ODAD4: variants seen among roughly 807,000 people sequenced by gnomAD.
The protein encoded by ODAD4 is outer dynein arm docking complex subunit 4, also known as outer dynein arm-docking complex subunit 4.
Under a neutral mutation model 51.8 loss-of-function variants are expected in ODAD4, and 49 were observed. That is an observed-to-expected ratio of 0.95 (90% CI 0.75 to 1.20). The LOEUF (loss-of-function observed/expected upper bound fraction) is 1.20. ODAD4 is among the 50% of genes most tolerant of loss of function. ODAD4 has a pLI of 0.00. For missense variants in ODAD4, 590 were observed against 586.5 expected (o/e 1.01, Z -0.06); for synonymous variants, 235 against 221.3 (o/e 1.06, Z -0.55).
At chr17:41,957,165 C>A (rs1454539025) in intron 10 of ODAD4, among the ~76,000 whole-genome samples, 1 of 152,132 alleles carries the variant, frequency 6.6e-6, no homozygotes. Context: ...CTCGGGCTTC[C>A]AAAGTGCTGG....
intron 9 of ODAD4, chr17:41,952,714 C>T (rs782816949): frequency 1.2e-5 from 6 of 510,986 alleles, no homozygotes; most frequent in African/African-American, 1.2e-4. Context: ...CTTAAATTTC[C>T]TTTAAGTGTA....
At chr17:41,957,910 T>C (rs1555641210) in intron 10 of ODAD4, among the ~76,000 whole-genome samples, 1 of 152,106 alleles carries the variant, frequency 6.6e-6, no homozygotes, top group African/African-American at 2.4e-5. Flanking sequence ...GGACTACAGG[T>C]GTGGGCCACC....
At position 41,965,916 on chromosome 17, in the gene ODAD4, CAGGT is replaced by C. The variant is rs1555642666; in HGVS notation, c.*437_*440del. 4.7e-4 allele frequency among the ~76,000 whole-genome samples: 72 copies of C among 152,182 alleles called. No homozygotes were observed. Among genetic ancestry groups the C allele is most frequent in the African/African-American group, 1.7e-3 (71 of 41,504 alleles). ...AGTGGTGGGGCGGCCCCAGCTGTCA[CAGGT>C]AGGAGAATGCCGCAAGCCAGAACCA... is the stretch of plus-strand genomic sequence containing the variant. On this transcript the variant is annotated 3_prime_UTR_variant, in exon 12 of 12. Transcript: ENST00000377540.
At chr17:41,942,227 T>C (rs771775792) in intron 7 of ODAD4, among the ~76,000 whole-genome samples, 1 of 152,118 alleles carries the variant, frequency 6.6e-6, no homozygotes, top group Non-Finnish European at 1.5e-5. Flanking sequence ...TGAGCCACCA[T>C]GCCCGGGCTA....
At position 41,945,205 on chromosome 17, in the gene ODAD4, C is replaced by T. The variant is rs782540040; in HGVS notation, c.1128C>T (p.Phe376=). 6 of 1,612,770 alleles carry T rather than the reference C, an allele frequency of 3.7e-6. No individual in the cohort carries two copies. Among genetic ancestry groups the T allele is most frequent in the Middle Eastern group, 1.6e-4 (1 of 6,062 alleles). ...IGRVFARVGK[F]QQAIDTWEEK... is the part of the protein sequence containing the mutation. Reference sequence around the variant, plus strand: ...GAGTTTTTGCCAGAGTTGGGAAATTCCAGCAAGCCATTGACACGTGAGTGA... The same window carrying T: ...GAGTTTTTGCCAGAGTTGGGAAATTTCAGCAAGCCATTGACACGTGAGTGA... Residue 376 remains phenylalanine, a synonymous_variant, in exon 8 of 12, where the codon TTC becomes TTT. Coordinates refer to ENST00000377540, the MANE Select transcript of ODAD4 (RefSeq NM_031421.5).
chr17:41,934,190 TACC>T (rs1848105103), intron 1 of ODAD4, among the ~76,000 whole-genome samples: 1 of 150,902 alleles, frequency 6.6e-6, no homozygotes, highest in Non-Finnish European at 1.5e-5. Context: ...TACAGGTGCT[TACC>T]ACCATGTCTG....
Position 41,935,208 on chromosome 17 carries a change from C to A in ODAD4, c.115-9C>A. 6.2e-7 allele frequency: 1 copy of A among 1,613,754 alleles called. No individual in the cohort carries two copies. Among genetic ancestry groups the A allele is most frequent in the East Asian group, 2.2e-5 (1 of 44,886 alleles). The stretch of plus-strand genomic sequence containing the variant: ...TGCTGGCTGTCAACCTGACTGGTTT[C>A]TTTGTCAGGCTCTTTACCTTCAGGA... On this transcript the variant is annotated splice_polypyrimidine_tract_variant and intron_variant, in intron 1 of 11. Transcript: ENST00000377540.
intron 10 of ODAD4, among the ~76,000 whole-genome samples, chr17:41,960,687 C>A (rs1219612374): frequency 2.0e-5 from 3 of 152,158 alleles, no homozygotes; most frequent in Non-Finnish European, 4.4e-5. Context: ...GCCCCCGACC[C>A]CTCACCCTCC....
chr17:41,935,787 G>A, intron 3 of ODAD4, 38 bp downstream of exon 3: 1 of 1,610,764 alleles, frequency 6.2e-7, no homozygotes, highest in Non-Finnish European at 8.5e-7. Flanking sequence ...ATCCAGGAAG[G>A]TCCTTGGAAT....
rs1555642315 is a variant in ODAD4, at chr17:41,964,981, C to T, written c.1529-12C>T. ...CTTTTATCTTTCTTCCCGCTTTTCT[C>T]TTATTTTTCAGAAGCTTCACTGTAT... is the stretch of plus-strand genomic sequence containing the variant. On this transcript the variant is annotated splice_polypyrimidine_tract_variant and intron_variant, in intron 11 of 11. Coordinates refer to ENST00000377540, the MANE Select transcript of ODAD4 (RefSeq NM_031421.5). The T allele has an allele frequency of 4.4e-6, 3 of 685,644 alleles. No homozygotes were observed. Among genetic ancestry groups the T allele is most frequent in the Non-Finnish European group, 2.7e-6 (1 of 370,286 alleles). 42.5% of individuals were successfully genotyped at this position (685,644 alleles called of 1,614,324 possible).
At chr17:41,951,335 A>C (rs1165652882) in intron 9 of ODAD4, among the ~76,000 whole-genome samples, 1 of 150,156 alleles carries the variant, frequency 6.7e-6, no homozygotes, top group African/African-American at 2.5e-5. Flanking sequence ...TGCCTGCTTC[A>C]GCCTCCCAAA....
chr17:41,944,444 A>ACACACACACCCCCC, intron 7 of ODAD4, among the ~76,000 whole-genome samples: 1 of 19,568 alleles, frequency 5.1e-5, no homozygotes, highest in African/African-American at 1.4e-4. Flanking sequence ...ACACACACAC[A>ACACACACACCCCCC]CCCCCCCGCA....
rs1555638354 is a variant in ODAD4 at position 41,939,082 on chromosome 17, A to G, written c.968A>G (p.Tyr323Cys). The G allele has an allele frequency of 6.2e-7, 1 of 1,613,978 alleles. No individual in the cohort carries two copies. The highest frequency in any genetic ancestry group is 1.1e-5 in the South Asian group (1 of 91,072). ...PNKDELVGNLYSCIGNAQIEL... is the reference protein window; with the variant it reads ...PNKDELVGNLCSCIGNAQIEL... ...AAGGATGAACTGGTTGGAAACTTGT[A>G]TAGCTGCATAGGGAATGCCCAGATT... Residue 323 changes from tyrosine to cysteine, a missense_variant, in exon 7 of 12, where the codon TAT becomes TGT. Around this residue, in one of 3 missense-constraint regions of ODAD4, gnomAD observed 360 missense variants for 407.5 expected, o/e 0.88. Transcript: ENST00000377540.
intron 5 of ODAD4, among the ~76,000 whole-genome samples, chr17:41,938,131 A>C (rs1016849010): frequency 6.6e-6 from 1 of 152,182 alleles, no homozygotes; most frequent in Non-Finnish European, 1.5e-5. Flanking sequence ...AGTGGGCAGG[A>C]CTTGGGCACC....
In ODAD4 at chr17:41,965,952, T is replaced by A. The variant is rs764405711; in HGVS notation, c.*469T>A. On this transcript the variant is annotated 3_prime_UTR_variant, in exon 12 of 12. Transcript: ENST00000377540. ...ATGCCGCAAGCCAGAACCAAGCGAA[T>A]GCTGGGAGTGAGGCCAAAGATAGGG... is the stretch of plus-strand genomic sequence containing the variant. 6.6e-6 allele frequency among the ~76,000 whole-genome samples: 1 copy of A among 151,910 alleles called. No homozygotes were observed. The highest frequency in any genetic ancestry group is 2.1e-4 in the South Asian group (1 of 4,814).
intron 10 of ODAD4, among the ~76,000 whole-genome samples, chr17:41,958,593 T>A (rs1179341800): frequency 7.5e-6 from 1 of 132,798 alleles, no homozygotes; most frequent in Non-Finnish European, 1.6e-5. Context: ...ACCCGGGAGG[T>A]GGAGGTTGCA....
intron 5 of ODAD4, among the ~76,000 whole-genome samples, chr17:41,937,629 T>C (rs2050446496): frequency 6.6e-6 from 1 of 152,156 alleles, no homozygotes. Flanking sequence ...CACAACCACA[T>C]CCGGCTAATT....
intron 10 of ODAD4, among the ~76,000 whole-genome samples, chr17:41,959,199 T>G (rs1354454018): frequency 2.0e-5 from 3 of 151,898 alleles, no homozygotes; most frequent in African/African-American, 7.3e-5. Flanking sequence ...TGCATCCAGG[T>G]GGACGCACAA....
chr17:41,935,769 A>G lies in ODAD4; in HGVS notation c.397+20A>G. 2.5e-6 allele frequency: 4 copies of G among 1,613,412 alleles called. No individual in the cohort carries two copies. The highest frequency in any genetic ancestry group is 3.4e-6 in the Non-Finnish European group (4 of 1,179,634). On this transcript the variant is annotated intron_variant, in intron 3 of 11. Transcript: ENST00000377540. Reference sequence around the variant, plus strand: ...TGGGAAGTGAGTGACCACAGGGCCTATGCCCTTATCCAGGAAGGTCCTTGG... The same window carrying G: ...TGGGAAGTGAGTGACCACAGGGCCTGTGCCCTTATCCAGGAAGGTCCTTGG...
Sources: gnomAD v4.1 joint callset for allele counts (sites outside exome capture counted in the v4.1 genomes callset) on GRCh38, gnomAD v4.1.1 for gene constraint, gnomAD v4.1.1 regional missense constraint, MANE v1.5 for transcripts, NCBI Gene and HGNC (gene_info 2026-07-23, HGNC 2026-07-21) for gene names.